The following MOCOS variants were observed in gnomAD, a reference collection of about 807,000 sequenced individuals.
The protein encoded by MOCOS is human molybdenum cofactor sulfurase.
MOCOS carries 86 observed loss-of-function variants against 83.6 expected under a neutral mutation model. The observed-to-expected ratio is 1.03, with a 90% confidence interval of 0.86 to 1.23. The LOEUF (loss-of-function observed/expected upper bound fraction) is 1.23. MOCOS is among the 50% of genes most tolerant of loss of function. MOCOS has a pLI of 0.00. For synonymous variants in MOCOS, 445 were observed against 434.7 expected (o/e 1.02, Z -0.29); for missense variants, 1,120 against 1,126.9 (o/e 0.99, Z 0.09).
At chr18:36,216,767 G>C (rs1353509671) in intron 8 of MOCOS, among the ~76,000 whole-genome samples, 1 of 152,136 alleles carries the variant, frequency 6.6e-6, no homozygotes, top group Non-Finnish European at 1.5e-5. Flanking sequence ...TAATTAGTAA[G>C]TACCGCCTAC....
Position 36,195,107 on chromosome 18 carries a change from C to T in MOCOS, c.143-150C>T, listed in dbSNP as rs535614686. ...CATTAGAAGTGCAGTCCTTCCACTG[C>T]TCATGCCTACACTTGGATTAAGAGG... On this transcript the variant is annotated intron_variant, in intron 1 of 14. Transcript: ENST00000261326. The T allele has an allele frequency of 1.1e-5, 8 of 719,068 alleles. No individual in the cohort carries two copies. The African/African-American group carries it at 1.2e-4, about 11-fold the overall frequency. The allele number at this position is 719,068 out of a possible 1,614,324, so 44.5% of individuals were successfully genotyped here. A position where few individuals can be genotyped will look rare whatever the true frequency, so the allele number is the denominator to read the frequency against.
At chr18:36,196,276 G>A (rs1016482694) in intron 2 of MOCOS, among the ~76,000 whole-genome samples, 6 of 152,200 alleles carry the variant, frequency 3.9e-5, no homozygotes, top group Admixed American at 2.6e-4. Flanking sequence ...TGAGAATAAC[G>A]ATAAGTAACA....
At chr18:36,218,391 CT>C (rs1325785382) in intron 8 of MOCOS, among the ~76,000 whole-genome samples, 5 of 151,184 alleles carry the variant, frequency 3.3e-5, no homozygotes, top group Non-Finnish European at 5.9e-5. Context: ...TGTACCTTAT[CT>C]TCCGGGTCTT....
chr18:36,247,231 G>A (rs2091605879), intron 9 of MOCOS, among the ~76,000 whole-genome samples: 1 of 152,176 alleles, frequency 6.6e-6, no homozygotes, highest in Admixed American at 6.5e-5. Flanking sequence ...TGAGGTTTCT[G>A]TACAGGCATC....
chr18:36,198,887 T>C (rs1018122395), intron 3 of MOCOS, 131 bp downstream of exon 3: 3 of 916,828 alleles, frequency 3.3e-6, no homozygotes, highest in Non-Finnish European at 5.3e-6. Context: ...AGGCAATGCA[T>C]GTATGTTGAG....
At chr18:36,229,821 A>T (rs1310481645) in intron 9 of MOCOS, among the ~76,000 whole-genome samples, 2 of 151,812 alleles carry the variant, frequency 1.3e-5, no homozygotes. Flanking sequence ...TAGTTCAGTT[A>T]CTGTGTCCTT....
chr18:36,189,840 C>T (rs1023610706), intron 1 of MOCOS: 6 of 152,174 alleles, frequency 3.9e-5, no homozygotes, highest in African/African-American at 9.7e-5. Context: ...ACCTGTGTCC[C>T]GAGCATTGGA....
At chr18:36,265,102 T>A (rs536174201) in intron 13 of MOCOS, among the ~76,000 whole-genome samples, 2 of 152,334 alleles carry the variant, frequency 1.3e-5, no homozygotes, top group South Asian at 4.1e-4. Flanking sequence ...CAGCCAGAAT[T>A]GGCATCAGTT....
intron 8 of MOCOS, among the ~76,000 whole-genome samples, chr18:36,217,676 TG>T (rs2144918998): frequency 6.6e-6 from 1 of 152,294 alleles, no homozygotes; most frequent in African/African-American, 2.4e-5. Context: ...GAGACGAAAT[TG>T]GACTAATTCT....
intron 6 of MOCOS, among the ~76,000 whole-genome samples, chr18:36,209,358 G>GT (rs1010984234): frequency 4.6e-5 from 7 of 151,942 alleles, no homozygotes; most frequent in African/African-American, 9.7e-5. Context: ...TATTTTAATA[G>GT]TTTTTTATTG....
At chr18:36,195,181 AT>A in intron 1 of MOCOS, 75 bp from the exon 2 acceptor site, 1 of 1,211,894 alleles carries the variant, frequency 8.3e-7, no homozygotes, top group Non-Finnish European at 1.2e-6. Flanking sequence ...GTCTGCATGC[AT>A]TAGATGACAT....
chr18:36,198,128 C>A (rs1450182225), intron 2 of MOCOS, among the ~76,000 whole-genome samples: 1 of 152,172 alleles, frequency 6.6e-6, no homozygotes, highest in African/African-American at 2.4e-5. Context: ...TGGCTCATGC[C>A]TGCAATCCTA....
intron 13 of MOCOS, among the ~76,000 whole-genome samples, chr18:36,261,851 T>C (rs2091664474): frequency 6.6e-6 from 1 of 152,082 alleles, no homozygotes; most frequent in African/African-American, 2.4e-5. Context: ...TTACACATCC[T>C]GCTGGGAACA....
chr18:36,240,905 G>T (rs867342284), intron 9 of MOCOS, among the ~76,000 whole-genome samples: 1 of 152,150 alleles, frequency 6.6e-6, no homozygotes, highest in African/African-American at 2.4e-5. Context: ...TCCAGGTGCC[G>T]TCCGTCACCC....
chr18:36,250,479 G>T (rs1176595649), intron 10 of MOCOS, among the ~76,000 whole-genome samples: 1 of 152,212 alleles, frequency 6.6e-6, no homozygotes, highest in Non-Finnish European at 1.5e-5. Flanking sequence ...GCACAAAGGT[G>T]ATGATGTGAT....
intron 9 of MOCOS, among the ~76,000 whole-genome samples, chr18:36,247,264 G>A (rs996639561): frequency 4.6e-5 from 7 of 152,170 alleles, no homozygotes; most frequent in Non-Finnish European, 7.4e-5. Context: ...CTGAGATCTT[G>A]CCCCAGGCTA....
chr18:36,221,732 T>TG (rs2091496811), intron 9 of MOCOS, among the ~76,000 whole-genome samples: 2 of 151,502 alleles, frequency 1.3e-5, no homozygotes, highest in South Asian at 2.1e-4. Context: ...CCCATTGTTT[T>TG]TTTTTTTTTT....
intron 6 of MOCOS, among the ~76,000 whole-genome samples, chr18:36,211,841 G>A (rs73430987): frequency 0.11 from 16,219 of 151,454 alleles, 1,051 homozygotes; most frequent in Non-Finnish European, 0.14. Context: ...TCTGTGACTC[G>A]CTCATAGCTA....
chr18:36,246,950 C>T (rs2091604641), intron 9 of MOCOS, among the ~76,000 whole-genome samples: 1 of 151,790 alleles, frequency 6.6e-6, no homozygotes, highest in African/African-American at 2.4e-5. Flanking sequence ...CTTTGGCTAT[C>T]AGGGCAAGTA....
Sources: allele counts gnomAD v4.1 joint callset (sites outside exome capture counted in the v4.1 genomes callset), GRCh38; gene constraint gnomAD v4.1.1; transcripts MANE v1.5; gene names NCBI Gene and HGNC (gene_info 2026-07-23, HGNC 2026-07-21).